The following PHF21B variants were observed in gnomAD, a reference collection of about 807,000 sequenced individuals.
PHF21B encodes PHD finger protein 21B.
A neutral mutation model predicts 62.2 loss-of-function variants in PHF21B; 22 were observed. That is an observed-to-expected ratio of 0.35 (90% CI 0.25 to 0.51). The LOEUF is 0.51. PHF21B is among the 20% of genes least tolerant of loss of function. The pLI, the probability that PHF21B is intolerant of heterozygous loss-of-function variation, is 0.97. For synonymous variants in PHF21B, 341 were observed against 314.7 expected (o/e 1.08, Z -0.88); for missense variants, 701 against 707.9 (o/e 0.99, Z 0.11).
intron 5 of PHF21B, among the ~76,000 whole-genome samples, chr22:44,911,869 C>T (rs1025171999): frequency 2.0e-5 from 3 of 148,876 alleles, no homozygotes; most frequent in African/African-American, 7.7e-5. Flanking sequence ...TCGTACTGTG[C>T]ACCTGGAAAA....
intron 2 of PHF21B, among the ~76,000 whole-genome samples, chr22:44,992,314 G>A (rs2073053910): frequency 6.6e-6 from 1 of 152,214 alleles, no homozygotes; most frequent in South Asian, 2.1e-4. Flanking sequence ...TGCATGGGAG[G>A]AACTGACGGG....
chr22:44,948,646 G>A (rs2072127427), intron 2 of PHF21B, among the ~76,000 whole-genome samples: 1 of 151,160 alleles, frequency 6.6e-6, no homozygotes, highest in African/African-American at 2.4e-5. Flanking sequence ...AGCCGAGACT[G>A]TGCCACTGCA....
chr22:44,945,265 C>A lies in PHF21B; in HGVS notation c.121-24775G>T, dbSNP rs539966997. 4.0e-3 allele frequency among the ~76,000 whole-genome samples: 612 copies of A among 152,308 alleles called. 4 individuals are homozygous for A. Among genetic ancestry groups the A allele is most frequent in the Middle Eastern group, 0.027 (8 of 294 alleles). On this transcript the variant is annotated intron_variant, in intron 2 of 12. Transcript: ENST00000313237. ...GGCACCTAGCTTTCCCCAGTGGGAACGGACAGGCTCGCTCTGGGTAGGAGC... is the reference window on the plus strand; with the variant it reads ...GGCACCTAGCTTTCCCCAGTGGGAAAGGACAGGCTCGCTCTGGGTAGGAGC...
intron 10 of PHF21B, among the ~76,000 whole-genome samples, 197 bp from the exon 11 acceptor site, chr22:44,886,135 T>C (rs1400001965): frequency 6.6e-6 from 1 of 151,910 alleles, no homozygotes; most frequent in Non-Finnish European, 1.5e-5. Flanking sequence ...GCTGGAACAT[T>C]CTGGGCCTCT....
At chr22:45,007,354 G>A (rs1420420460) in intron 2 of PHF21B, among the ~76,000 whole-genome samples, 1 of 151,010 alleles carries the variant, frequency 6.6e-6, no homozygotes, top group Non-Finnish European at 1.5e-5. Flanking sequence ...CCTCGTCCAC[G>A]TCTCTCCCCT....
intron 2 of PHF21B, among the ~76,000 whole-genome samples, chr22:44,977,884 C>T (rs2072767837): frequency 6.6e-6 from 1 of 151,992 alleles, no homozygotes; most frequent in African/African-American, 2.4e-5. Flanking sequence ...CTGCACCTGG[C>T]CTGCATGTTT....
chr22:44,999,622 T>A (rs1456956003), intron 2 of PHF21B, among the ~76,000 whole-genome samples: 1 of 152,164 alleles, frequency 6.6e-6, no homozygotes, highest in Non-Finnish European at 1.5e-5. Context: ...TATCTGACCG[T>A]GTGCCCCGGA....
chr22:45,005,514 C>A (rs931939414), intron 2 of PHF21B, among the ~76,000 whole-genome samples: 12 of 152,236 alleles, frequency 7.9e-5, no homozygotes, highest in African/African-American at 2.9e-4. Flanking sequence ...GACCAATAAG[C>A]TATCTACCAC....
Position 44,914,056 on chromosome 22 carries a change from G to T in PHF21B, c.597C>A (p.Pro199=). The T allele has an allele frequency of 1.5e-6, 2 of 1,304,170 alleles. No individual in the cohort carries two copies. The highest frequency in any genetic ancestry group is 2.7e-5 in the South Asian group (2 of 75,214). 80.8% of individuals were successfully genotyped at this position (1,304,170 alleles called of 1,614,324 possible). The change falls in exon 5 of 13, where the codon CCC becomes CCA. Residue 199 remains proline (P), a synonymous_variant. Coordinates refer to ENST00000313237, the MANE Select transcript of PHF21B (RefSeq NM_138415.5). ...GGTGGAGGGGACAGTGATGGGTTGC[G>T]GGGTGAGGGGAAGAGAGGAGGCGTG... ...PPPRLLSSPH[P]ATHHCPLHPS...
intron 2 of PHF21B, among the ~76,000 whole-genome samples, chr22:44,980,633 G>A (rs1738936294): frequency 6.6e-6 from 1 of 152,200 alleles, no homozygotes; most frequent in African/African-American, 2.4e-5. Flanking sequence ...CAGCTGCGAA[G>A]CTTCCAAATC....
At chr22:45,001,052 C>T (rs564822266) in intron 2 of PHF21B, 1 of 152,204 alleles carries the variant, frequency 6.6e-6, no homozygotes, top group Non-Finnish European at 1.5e-5. Flanking sequence ...GGCCGTGAAC[C>T]CCCGTGTGCT....
At chr22:44,980,820 GC>G (rs983985979) in intron 2 of PHF21B, among the ~76,000 whole-genome samples, 28 of 152,270 alleles carry the variant, frequency 1.8e-4, no homozygotes, top group African/African-American at 5.3e-4. Flanking sequence ...AGGGTAACAT[GC>G]CCTCTCCGTC....
chr22:44,944,211 C>G (rs1052216524), intron 2 of PHF21B, among the ~76,000 whole-genome samples: 1 of 152,210 alleles, frequency 6.6e-6, no homozygotes, highest in Non-Finnish European at 1.5e-5. Context: ...CTATGAGAAC[C>G]CTGATGGCAA....
At chr22:44,942,194 C>G (rs1002048187) in intron 2 of PHF21B, among the ~76,000 whole-genome samples, 3 of 152,156 alleles carry the variant, frequency 2.0e-5, no homozygotes, top group African/African-American at 7.2e-5. Flanking sequence ...GGGACAGGAG[C>G]AGAAAATCCA....
chr22:44,893,650 C>T (rs1304587886), intron 6 of PHF21B, 117 bp from the exon 7 acceptor site: 16 of 998,586 alleles, frequency 1.6e-5, no homozygotes, highest in East Asian at 2.6e-5. Flanking sequence ...TCTCTGTGTG[C>T]TCAGCATCCA....
intron 2 of PHF21B, chr22:45,003,051 A>G (rs1355710445): frequency 6.6e-6 from 1 of 152,224 alleles, no homozygotes; most frequent in Admixed American, 6.5e-5. Flanking sequence ...GCCCTTTTCC[A>G]GAAGTTCCTT....
At chr22:44,897,548 G>C (rs919920291) in intron 5 of PHF21B, among the ~76,000 whole-genome samples, 2 of 152,130 alleles carry the variant, frequency 1.3e-5, no homozygotes, top group African/African-American at 4.8e-5. Flanking sequence ...ACTCAAGGCC[G>C]GCCACAGAGT....
intron 2 of PHF21B, among the ~76,000 whole-genome samples, chr22:44,987,295 T>C (rs1601682592): frequency 1.3e-5 from 2 of 151,238 alleles, no homozygotes; most frequent in South Asian, 2.1e-4. Flanking sequence ...GGGTGGGAAC[T>C]AGCAAAGAGG....
At chr22:44,884,305 CCAT>C (rs879901262) in intron 12 of PHF21B, among the ~76,000 whole-genome samples, 222 of 119,992 alleles carry the variant, frequency 1.9e-3, no homozygotes, top group South Asian at 3.0e-3. Context: ...ACCACCACCA[CCAT>C]CACTGTGATC....
Sources: allele counts gnomAD v4.1 joint callset (sites outside exome capture counted in the v4.1 genomes callset), GRCh38; gene constraint gnomAD v4.1.1; transcripts MANE v1.5; gene names NCBI Gene and HGNC (gene_info 2026-07-23, HGNC 2026-07-21).